RNF169: variants seen among roughly 807,000 people sequenced by gnomAD.
RNF169 encodes the protein ring finger protein 169, also known as E3 ubiquitin-protein ligase RNF169.
Under a neutral mutation model 53.9 loss-of-function variants are expected in RNF169, and 24 were observed. That is an observed-to-expected ratio of 0.45 (90% CI 0.32 to 0.63). The LOEUF is 0.63. Ranked by LOEUF, RNF169 falls within the 20% of genes least tolerant of loss-of-function variation. RNF169 has a pLI of 0.04. For synonymous variants in RNF169, 396 were observed against 363.5 expected (o/e 1.09, Z -1.02); for missense variants, 883 against 906.2 (o/e 0.97, Z 0.33).
intron 1 of RNF169, among the ~76,000 whole-genome samples, chr11:74,750,028 G>A (rs1441348242): frequency 6.6e-6 from 1 of 152,164 alleles, no homozygotes; most frequent in Non-Finnish European, 1.5e-5. Context: ...AGAAAAGCTG[G>A]CTTGGGTTTA....
chr11:74,782,691 G>A (rs188320344), intron 1 of RNF169, among the ~76,000 whole-genome samples: 46 of 152,032 alleles, frequency 3.0e-4, no homozygotes, highest in African/African-American at 8.7e-4. Context: ...TTGTCTCTGT[G>A]TATTTAAAGA....
At chr11:74,821,481 AC>A (rs2036009388) in intron 4 of RNF169, among the ~76,000 whole-genome samples, 1 of 89,270 alleles carries the variant, frequency 1.1e-5, no homozygotes, top group Non-Finnish European at 2.0e-5. Flanking sequence ...AAATGGTGAA[AC>A]CCCGTCTCTA....
chr11:74,823,228 A>G (rs927605707), intron 4 of RNF169, among the ~76,000 whole-genome samples: 1 of 152,212 alleles, frequency 6.6e-6, no homozygotes, highest in Non-Finnish European at 1.5e-5. Flanking sequence ...TGCCATGGTA[A>G]TAAAACACCT....
intron 2 of RNF169, among the ~76,000 whole-genome samples, chr11:74,793,322 G>A (rs1371399683): frequency 1.3e-5 from 2 of 152,142 alleles, no homozygotes; most frequent in African/African-American, 2.4e-5. Flanking sequence ...AGTTTCTACT[G>A]AGCAAAGGAA....
chr11:74,777,300 A>G (rs919289475), intron 1 of RNF169, among the ~76,000 whole-genome samples: 11 of 152,210 alleles, frequency 7.2e-5, no homozygotes, highest in Non-Finnish European at 1.5e-4. Flanking sequence ...CTTGTGGACT[A>G]ACAGGAATAA....
intron 2 of RNF169, among the ~76,000 whole-genome samples, chr11:74,800,576 C>T (rs1277545969): frequency 6.6e-6 from 1 of 152,108 alleles, no homozygotes; most frequent in Non-Finnish European, 1.5e-5. Context: ...GTGCCTGGTC[C>T]ATAGTAAACT....
chr11:74,835,920 G>A lies in RNF169; in HGVS notation c.1317G>A (p.Gln439=). ...TCAAAAAGTGGGAACAGATCTTTCA[G>A]GAGCGGCAGATCAAAAAGACCCTTT... ...RILKKWEQIF[Q]ERQIKKTLSK... Residue 439 remains glutamine, a synonymous_variant, in exon 6 of 6, where the codon CAG becomes CAA. Coordinates refer to ENST00000299563, the MANE Select transcript of RNF169 (RefSeq NM_001098638.2). 1 of 1,614,198 alleles carries A rather than the reference G, an allele frequency of 6.2e-7. No individual in the cohort carries two copies. Among genetic ancestry groups the A allele is most frequent in the African/African-American group, 1.3e-5 (1 of 75,050 alleles).
intron 3 of RNF169, among the ~76,000 whole-genome samples, chr11:74,816,698 G>A (rs1340042856): frequency 6.6e-6 from 1 of 152,176 alleles, no homozygotes; most frequent in Non-Finnish European, 1.5e-5. Context: ...ATATCCAAAT[G>A]GGTAGATAGA....
At chr11:74,828,509 T>G (rs948192718) in intron 4 of RNF169, among the ~76,000 whole-genome samples, 1 of 152,142 alleles carries the variant, frequency 6.6e-6, no homozygotes, top group African/African-American at 2.4e-5. Context: ...CAAAACCATT[T>G]AAAATTCATA....
At position 74,810,409 on chromosome 11, in the gene RNF169, A is replaced by G; in HGVS notation, c.723+79A>G. On this transcript the variant is annotated intron_variant, in intron 3 of 5. Transcript: ENST00000299563. ...CAGGTGACCTGGACCTGAAAGACCT[A>G]TGTTGGTAAATTGTGAGACCAGTAA... 3 of 1,322,980 alleles carry G rather than the reference A, an allele frequency of 2.3e-6. No individual in the cohort carries two copies. The South Asian group carries it at 3.6e-5, about 16-fold the overall frequency. 82.0% of individuals were successfully genotyped at this position (1,322,980 alleles called of 1,614,324 possible). A position where few individuals can be genotyped will look rare whatever the true frequency, so the allele number is the denominator to read the frequency against.
chr11:74,773,131 G>A (rs868526505), intron 1 of RNF169, among the ~76,000 whole-genome samples: 1 of 152,200 alleles, frequency 6.6e-6, no homozygotes, highest in South Asian at 2.1e-4. Context: ...GATTTGTCCT[G>A]AAATGCCGAG....
intron 2 of RNF169, among the ~76,000 whole-genome samples, chr11:74,798,526 C>G (rs1048594880): frequency 6.6e-6 from 1 of 152,168 alleles, no homozygotes; most frequent in South Asian, 2.1e-4. Context: ...CAGTGGTACC[C>G]GAAACTTCAT....
intron 1 of RNF169, among the ~76,000 whole-genome samples, chr11:74,762,730 A>G (rs1469337232): frequency 2.0e-5 from 3 of 152,238 alleles, no homozygotes; most frequent in South Asian, 4.1e-4. Context: ...TGTAAGCCCA[A>G]AAGCTGCATA....
intron 1 of RNF169, among the ~76,000 whole-genome samples, chr11:74,781,860 A>G (rs1454948813): frequency 1.3e-5 from 2 of 152,156 alleles, no homozygotes; most frequent in African/African-American, 4.8e-5. Flanking sequence ...TGTGTACCTC[A>G]GTTTCCTCAT....
intron 4 of RNF169, chr11:74,831,871 C>T (rs1016503125): frequency 6.6e-6 from 1 of 152,152 alleles, no homozygotes; most frequent in African/African-American, 2.4e-5. Flanking sequence ...TGATTTCCAA[C>T]AAGGGTGCCA....
At chr11:74,801,104 C>G (rs2135102938) in intron 2 of RNF169, among the ~76,000 whole-genome samples, 1 of 152,132 alleles carries the variant, frequency 6.6e-6, no homozygotes, top group South Asian at 2.1e-4. Context: ...TGGAAGTGGT[C>G]TAGAATTTAA....
chr11:74,821,763 G>A (rs1322699311), intron 4 of RNF169, among the ~76,000 whole-genome samples: 1 of 152,140 alleles, frequency 6.6e-6, no homozygotes, highest in African/African-American at 2.4e-5. Context: ...GGAGGAAGTG[G>A]GGTTTGAGGT....
chr11:74,777,742 C>T (rs1208741020), intron 1 of RNF169, among the ~76,000 whole-genome samples: 1 of 151,974 alleles, frequency 6.6e-6, no homozygotes, highest in Non-Finnish European at 1.5e-5. Context: ...TGACCTTCCG[C>T]CTTAGCCTCC....
At chr11:74,822,314 T>G (rs935094670) in intron 4 of RNF169, among the ~76,000 whole-genome samples, 3 of 152,214 alleles carry the variant, frequency 2.0e-5, no homozygotes, top group African/African-American at 7.2e-5. Context: ...ATCTTCTAGC[T>G]TTCCAGCTGC....
Sources: allele counts gnomAD v4.1 joint callset (sites outside exome capture counted in the v4.1 genomes callset), GRCh38; gene constraint gnomAD v4.1.1; transcripts MANE v1.5; gene names NCBI Gene and HGNC (gene_info 2026-07-23, HGNC 2026-07-21).